The following RAB22A variants were observed in gnomAD, a reference collection of about 807,000 sequenced individuals.
The protein encoded by RAB22A is RAB22A, member RAS oncogene family.
In RAB22A, 13 loss-of-function variants were observed where a neutral mutation model predicts 30.2. That is an observed-to-expected ratio of 0.43 (90% CI 0.28 to 0.68). RAB22A has a LOEUF of 0.68. Ranked by LOEUF, RAB22A falls within the 30% of genes least tolerant of loss-of-function variation. RAB22A has a pLI of 0.18. For synonymous variants in RAB22A, 89 were observed against 87.2 expected, an observed-to-expected ratio of 1.02 and a Z score of -0.11; for missense variants, 177 against 246.8, an observed-to-expected ratio of 0.72 and a Z score of 1.89.
At chr20:58,328,392 C>T (rs1986604979) in intron 2 of RAB22A, among the ~76,000 whole-genome samples, 1 of 152,074 alleles carries the variant, frequency 6.6e-6, no homozygotes, top group Non-Finnish European at 1.5e-5. Context: ...CTATGTTGCC[C>T]AGGCTGGTCT....
chr20:58,359,585 C>T (rs1434524235), intron 6 of RAB22A, 21 bp from the exon 7 acceptor site: 3 of 1,561,692 alleles, frequency 1.9e-6, no homozygotes, highest in Admixed American at 3.4e-5. Context: ...CACTCCCTTC[C>T]CTTTTCTCAT....
chr20:58,350,302 G>A (rs1987026167), intron 3 of RAB22A, among the ~76,000 whole-genome samples: 1 of 152,178 alleles, frequency 6.6e-6, no homozygotes, highest in Admixed American at 6.5e-5. Flanking sequence ...CAGTATCATA[G>A]GGACAAATTC....
chr20:58,355,383 A>T (rs1320460838), intron 6 of RAB22A, among the ~76,000 whole-genome samples: 3 of 151,692 alleles, frequency 2.0e-5, no homozygotes, highest in Admixed American at 2.0e-4. Flanking sequence ...TTTTTTTTTT[A>T]CATGTCCCAT....
chr20:58,319,899 C>T (rs1437207625), intron 2 of RAB22A, among the ~76,000 whole-genome samples: 5 of 152,054 alleles, frequency 3.3e-5, no homozygotes, highest in Non-Finnish European at 7.4e-5. Flanking sequence ...CTTTTTCTTT[C>T]TGTTAAAATG....
At chr20:58,323,862 C>G (rs1294790248) in intron 2 of RAB22A, among the ~76,000 whole-genome samples, 1 of 151,618 alleles carries the variant, frequency 6.6e-6, no homozygotes, top group African/African-American at 2.4e-5. Context: ...ATGTATTTGG[C>G]TAATCACATA....
In RAB22A at chr20:58,361,175, G is replaced by A. The variant is rs1161733260; in HGVS notation, c.*1472G>A. On this transcript the variant is annotated 3_prime_UTR_variant, in exon 7 of 7. Transcript: ENST00000244040. ...GTCTAATTTGGCACCCTTCCAACCT[G>A]AGTATTGTAGGGGAAGGAAATTTAC... 3 of 152,604 alleles carry A rather than the reference G, an allele frequency of 2.0e-5. 1 individual carries two copies. Among genetic ancestry groups the A allele is most frequent in the Admixed American group, 2.0e-4 (3 of 15,276 alleles). The allele number at this position is 152,604 out of a possible 1,614,324, so 9.5% of individuals were successfully genotyped here. A position where few individuals can be genotyped will look rare whatever the true frequency, so the allele number is the denominator to read the frequency against.
chr20:58,354,722 C>G (rs1987105236), intron 6 of RAB22A, among the ~76,000 whole-genome samples: 1 of 152,146 alleles, frequency 6.6e-6, no homozygotes, highest in African/African-American at 2.4e-5. Flanking sequence ...TGATGATACT[C>G]GATGGGAGAG....
At chr20:58,337,265 G>A (rs545519881) in intron 2 of RAB22A, among the ~76,000 whole-genome samples, 3 of 152,098 alleles carry the variant, frequency 2.0e-5, no homozygotes, top group Non-Finnish European at 4.4e-5. Flanking sequence ...TCAGCTTTTA[G>A]CAACTGCCTT....
intron 3 of RAB22A, among the ~76,000 whole-genome samples, chr20:58,351,768 A>T (rs948406293): frequency 2.0e-5 from 3 of 152,222 alleles, no homozygotes; most frequent in Non-Finnish European, 4.4e-5. Context: ...AGCCGAGATC[A>T]CGCCATTGCA....
At chr20:58,320,368 T>A (rs1010957768) in intron 2 of RAB22A, among the ~76,000 whole-genome samples, 2 of 152,234 alleles carry the variant, frequency 1.3e-5, no homozygotes, top group African/African-American at 4.8e-5. Context: ...CTGTTTTTTT[T>A]AATTTATTGG....
At chr20:58,347,315 A>C (rs1305792096) in intron 3 of RAB22A, among the ~76,000 whole-genome samples, 1 of 152,206 alleles carries the variant, frequency 6.6e-6, no homozygotes, top group East Asian at 1.9e-4. Flanking sequence ...ATTTTGGAGA[A>C]TTTCTCAAAT....
chr20:58,350,373 GA>G (rs1450944126), intron 3 of RAB22A, among the ~76,000 whole-genome samples: 1 of 152,010 alleles, frequency 6.6e-6, no homozygotes, highest in Admixed American at 6.5e-5. Flanking sequence ...GATGGAAACA[GA>G]AAAAAAGATT....
chr20:58,319,308 A>G (rs926504141), intron 2 of RAB22A, among the ~76,000 whole-genome samples: 1 of 152,194 alleles, frequency 6.6e-6, no homozygotes, highest in Non-Finnish European at 1.5e-5. Flanking sequence ...AAAATTAAAC[A>G]TTTTTGTTGA....
At chr20:58,321,141 A>G (rs1195203102) in intron 2 of RAB22A, among the ~76,000 whole-genome samples, 4 of 151,482 alleles carry the variant, frequency 2.6e-5, no homozygotes, top group Non-Finnish European at 5.9e-5. Flanking sequence ...AGTGAGCCCG[A>G]GACTGCGCCA....
chr20:58,334,007 A>C (rs904573075), intron 2 of RAB22A, among the ~76,000 whole-genome samples: 9 of 152,156 alleles, frequency 5.9e-5, no homozygotes, highest in African/African-American at 2.2e-4. Context: ...ACTGTGAACC[A>C]TTATTGTGCC....
In RAB22A at chr20:58,363,131, G is replaced by A. The variant is rs1987256070; in HGVS notation, c.*3428G>A. The A allele has an allele frequency of 6.6e-6, 1 of 152,074 alleles. No homozygotes were observed. The highest frequency in any genetic ancestry group is 2.1e-4 in the South Asian group (1 of 4,824). 9.4% of individuals were successfully genotyped at this position (152,074 alleles called of 1,614,324 possible). ...CAAACCAAAATGTCAGTATTTTTAG[G>A]GCATTGTGTTAAAATAAGCAGTTTA... On this transcript the variant is annotated 3_prime_UTR_variant, in exon 7 of 7. Transcript: ENST00000244040.
At chr20:58,337,151 T>C (rs1301814720) in intron 2 of RAB22A, among the ~76,000 whole-genome samples, 2 of 152,220 alleles carry the variant, frequency 1.3e-5, no homozygotes, top group Non-Finnish European at 2.9e-5. Context: ...TTTATAGTTC[T>C]GGAGGTGAGA....
At chr20:58,333,485 C>T (rs1986695807) in intron 2 of RAB22A, among the ~76,000 whole-genome samples, 1 of 151,992 alleles carries the variant, frequency 6.6e-6, no homozygotes, top group African/African-American at 2.4e-5. Context: ...CTATTTCATC[C>T]AGCTAAAAAC....
At chr20:58,359,496 T>C in intron 6 of RAB22A, 110 bp from the exon 7 acceptor site, 1 of 86,800 alleles carries the variant, frequency 1.2e-5, no homozygotes, top group Non-Finnish European at 2.0e-5. Flanking sequence ...TTTATTAAAC[T>C]TTTTTTTTTT....
Sources: gnomAD v4.1 joint callset for allele counts (sites outside exome capture counted in the v4.1 genomes callset) on GRCh38, gnomAD v4.1.1 for gene constraint, MANE v1.5 for transcripts, NCBI Gene and HGNC (gene_info 2026-07-23, HGNC 2026-07-21) for gene names.